Variants in BAALC observed in about 807,000 individuals in gnomAD.
BAALC encodes the protein BAALC binder of MAP3K1 and KLF4.
Under a neutral mutation model 15.5 loss-of-function variants are expected in BAALC, and 9 were observed. The observed-to-expected ratio is 0.58, with a 90% CI of 0.35 to 1.02. BAALC has a LOEUF of 1.02. BAALC is among the 50% of genes least tolerant of loss of function. BAALC has a pLI of 0.02. For missense variants in BAALC, 201 were observed against 192.4 expected, an observed-to-expected ratio of 1.04 and a Z score of -0.27; for synonymous variants, 80 against 74.6, an observed-to-expected ratio of 1.07 and a Z score of -0.37.
At chr8:103,171,099 G>C (rs763240400) in intron 1 of BAALC, among the ~76,000 whole-genome samples, 1 of 149,636 alleles carries the variant, frequency 6.7e-6, no homozygotes, top group Non-Finnish European at 1.5e-5. Context: ...TCAGAAGAAA[G>C]GGAGAAAAAG....
chr8:103,142,364 A>T (rs1266005347), intron 1 of BAALC, among the ~76,000 whole-genome samples: 2 of 152,206 alleles, frequency 1.3e-5, no homozygotes, highest in Non-Finnish European at 2.9e-5. Flanking sequence ...ATTTGTCTCC[A>T]GTTTTTCTGA....
intron 1 of BAALC, among the ~76,000 whole-genome samples, chr8:103,172,946 A>G (rs1811530257): frequency 6.6e-6 from 1 of 152,258 alleles, no homozygotes; most frequent in Non-Finnish European, 1.5e-5. Context: ...GGTGCAAACC[A>G]GGCCAGTGAC....
At chr8:103,195,353 C>T (rs17204757) in intron 1 of BAALC, among the ~76,000 whole-genome samples, 21,281 of 152,204 alleles carry the variant, frequency 0.14, 1,564 homozygotes, top group Non-Finnish European at 0.16. Flanking sequence ...GCTTTTGCTA[C>T]AGGGCTTTGA....
chr8:103,153,029 A>G (rs893832655), intron 1 of BAALC: 4 of 152,222 alleles, frequency 2.6e-5, no homozygotes, highest in Non-Finnish European at 5.9e-5. Flanking sequence ...CTGGGCTACA[A>G]GGGTGTCTAG....
chr8:103,141,207 G>C, intron 1 of BAALC, 150 bp downstream of exon 1: 1 of 884,822 alleles, frequency 1.1e-6, no homozygotes. Context: ...CCACTGATCA[G>C]TGGACAGATG....
At chr8:103,227,905 C>T in intron 2 of BAALC, 84 bp from the exon 3 acceptor site, 3 of 903,196 alleles carry the variant, frequency 3.3e-6, no homozygotes, top group Non-Finnish European at 5.3e-6. Context: ...CACAATAAAC[C>T]TCTAAATTGA....
In BAALC at chr8:103,228,064, A is replaced by T. The variant is rs780437323; in HGVS notation, c.403A>T (p.Arg135Ter). 6.2e-7 allele frequency: 1 copy of T among 1,613,368 alleles called. No homozygotes were observed. The highest frequency in any genetic ancestry group is 8.5e-7 in the Non-Finnish European group (1 of 1,179,592). The part of the protein sequence containing the change: ...NVTDSIQQMD[R>*]SRRITKNCVN Reference sequence around the variant, plus strand: ...AACAGATAGCATCCAACAGATGGACAGAAGTCGAAGAATCACAAAGAACTG... The same window carrying T: ...AACAGATAGCATCCAACAGATGGACTGAAGTCGAAGAATCACAAAGAACTG... Residue 135 changes from arginine (R) to a stop codon, truncating the protein, a stop_gained, in exon 3 of 3, where the codon AGA (arginine) becomes TGA (stop). Coordinates refer to ENST00000309982, the MANE Select transcript of BAALC (RefSeq NM_024812.3). LOFTEE classifies it high-confidence loss of function.
chr8:103,186,459 C>T (rs1264261833), intron 1 of BAALC, among the ~76,000 whole-genome samples: 1 of 152,176 alleles, frequency 6.6e-6, no homozygotes, highest in Non-Finnish European at 1.5e-5. Flanking sequence ...CAGCGTTAGA[C>T]ATAAAAGCGC....
chr8:103,206,587 CA>C (rs1349927520), intron 1 of BAALC, among the ~76,000 whole-genome samples: 1 of 152,152 alleles, frequency 6.6e-6, no homozygotes, highest in Non-Finnish European at 1.5e-5. Flanking sequence ...CATGTGCATT[CA>C]GGTCAGTCGT....
At position 103,140,892 on chromosome 8, in the gene BAALC, A is replaced by C. The variant is rs1402224175; in HGVS notation, c.-6A>C. On this transcript the variant is annotated 5_prime_UTR_variant, in exon 1 of 3. Coordinates refer to ENST00000309982, the MANE Select transcript of BAALC (RefSeq NM_024812.3). This position sits in a 1 kb window ranked among gnomAD's most constrained non-coding sequence, Gnocchi z 4.2. ...CAGCCGCTGGGCGCTCCCGCGGCGC[A>C]GGAGGATGGGCTGCGGCGGGAGCCG... 12 of 1,507,360 alleles carry C rather than the reference A, an allele frequency of 8.0e-6. No individual in the cohort carries two copies. Among genetic ancestry groups the C allele is most frequent in the Non-Finnish European group, 6.2e-6 (7 of 1,128,642 alleles). 93.4% of individuals were successfully genotyped at this position (1,507,360 alleles called of 1,614,324 possible). A position where few individuals can be genotyped will look rare whatever the true frequency, so the allele number is the denominator to read the frequency against.
intron 1 of BAALC, among the ~76,000 whole-genome samples, chr8:103,199,631 A>G (rs1340964468): frequency 1.3e-5 from 2 of 152,266 alleles, no homozygotes; most frequent in East Asian, 3.9e-4. Flanking sequence ...TACATCTAAT[A>G]AAGATGTATC....
intron 1 of BAALC, among the ~76,000 whole-genome samples, chr8:103,188,288 C>T (rs2129993552): frequency 6.6e-6 from 1 of 152,238 alleles, no homozygotes; most frequent in South Asian, 2.1e-4. Flanking sequence ...CCTGTAGAAG[C>T]CCTAAGATTT....
At chr8:103,155,045 C>T (rs543051848) in intron 1 of BAALC, among the ~76,000 whole-genome samples, 4 of 152,114 alleles carry the variant, frequency 2.6e-5, no homozygotes, top group Non-Finnish European at 5.9e-5. Flanking sequence ...CATTCCACTT[C>T]GCCAATTAAA....
At chr8:103,218,544 C>G (rs1812611920) in intron 2 of BAALC, among the ~76,000 whole-genome samples, 1 of 152,082 alleles carries the variant, frequency 6.6e-6, no homozygotes, top group African/African-American at 2.4e-5. Flanking sequence ...TTTCCTTAGG[C>G]TTAGGACTCT....
intron 1 of BAALC, chr8:103,156,981 T>C (rs1811106970): frequency 6.6e-6 from 1 of 152,394 alleles, no homozygotes; most frequent in South Asian, 2.1e-4. Flanking sequence ...GCCATATTTG[T>C]CTCTTTTGCA....
intron 1 of BAALC, among the ~76,000 whole-genome samples, chr8:103,191,654 C>A (rs1030590320): frequency 6.6e-6 from 1 of 152,002 alleles, no homozygotes; most frequent in African/African-American, 2.4e-5. Flanking sequence ...TCAGATCACA[C>A]AAGCAGGTTA....
chr8:103,167,057 T>C (rs1811365866), intron 1 of BAALC, among the ~76,000 whole-genome samples: 1 of 152,222 alleles, frequency 6.6e-6, no homozygotes, highest in South Asian at 2.1e-4. Context: ...ATGACCTAAA[T>C]GGTCCCATGA....
intron 1 of BAALC, among the ~76,000 whole-genome samples, chr8:103,189,331 G>A (rs1189593947): frequency 2.0e-5 from 3 of 152,186 alleles, no homozygotes; most frequent in Non-Finnish European, 4.4e-5. Flanking sequence ...CAAACTGTGC[G>A]AGAATTTTCA....
At chr8:103,219,709 A>C (rs548623876) in intron 2 of BAALC, among the ~76,000 whole-genome samples, 1 of 152,318 alleles carries the variant, frequency 6.6e-6, no homozygotes, top group East Asian at 1.9e-4. Context: ...CTAAGATCAA[A>C]TATCCCCTGA....
Sources: allele counts gnomAD v4.1 joint callset (sites outside exome capture counted in the v4.1 genomes callset), GRCh38; gene constraint gnomAD v4.1.1; non-coding constraint Gnocchi (gnomAD v3.1); transcripts MANE v1.5; gene names NCBI Gene and HGNC (gene_info 2026-07-23, HGNC 2026-07-21).